Variants in DCST1 observed in about 807,000 individuals in gnomAD.
DCST1 encodes the protein DC-STAMP domain containing 1, also known as E3 ubiquitin-protein ligase DCST1.
A neutral mutation model predicts 89.1 loss-of-function variants in DCST1; 78 were observed. The ratio of observed to expected loss-of-function variants is 0.88; its 90% CI spans 0.73 to 1.06. The LOEUF is 1.06. DCST1 is among the 50% of genes least tolerant of loss of function. The pLI is 0.00. For synonymous variants in DCST1, 364 were observed against 371.9 expected, an observed-to-expected ratio of 0.98 and a Z score of 0.24; for missense variants, 900 against 928.6, an observed-to-expected ratio of 0.97 and a Z score of 0.40.
rs1660710916 is a variant in DCST1 at position 155,047,947 on chromosome 1, C to T, written c.1755+18C>T. On this transcript the variant is annotated intron_variant, in intron 15 of 16. Transcript: ENST00000295542. ...TCCCCAAGGTTTGCCCCTCCCCAGA[C>T]CTCTCCACCCCTACACACCTGCACA... 2 of 1,613,910 alleles carry T rather than the reference C, an allele frequency of 1.2e-6. No homozygotes were observed. Among genetic ancestry groups the T allele is most frequent in the South Asian group, 1.1e-5 (1 of 91,068 alleles).
intron 13 of DCST1, 114 bp downstream of exon 13, chr1:155,046,600 C>CTTTCTTTT: frequency 1.9e-6 from 1 of 532,372 alleles, no homozygotes; most frequent in Non-Finnish European, 2.6e-6. Flanking sequence ...CCTTCTGCCT[C>CTTTCTTTT]TTTTTTTTTT....
chr1:155,050,916 A>G lies in DCST1; in HGVS notation c.*48A>G, dbSNP rs766543486. 1.9e-6 allele frequency: 3 copies of G among 1,590,788 alleles called. No homozygotes were observed. The highest frequency in any genetic ancestry group is 2.6e-6 in the Non-Finnish European group (3 of 1,164,288). Reference sequence around the variant, plus strand: ...CGCACCGTCCTTCCCGGTTAATAAAATGCCCTGTACGCTTCACGTGGGTCG... The same window carrying G: ...CGCACCGTCCTTCCCGGTTAATAAAGTGCCCTGTACGCTTCACGTGGGTCG... On this transcript the variant is annotated 3_prime_UTR_variant, in exon 17 of 17. Transcript: ENST00000295542.
intron 16 of DCST1, among the ~76,000 whole-genome samples, chr1:155,049,843 CTG>C (rs1234590848): frequency 1.3e-5 from 2 of 152,198 alleles, no homozygotes; most frequent in Non-Finnish European, 2.9e-5. Context: ...GTGAAGCAAA[CTG>C]AATGTGAATG....
chr1:155,048,500 A>C (rs13375240), intron 16 of DCST1, among the ~76,000 whole-genome samples: 4,836 of 152,226 alleles, frequency 0.032, 222 homozygotes, highest in African/African-American at 0.11. Flanking sequence ...GGGTTTCACC[A>C]TGTTGGCCAG....
chr1:155,045,208 T>C (rs1244421338), intron 10 of DCST1: 1 of 152,538 alleles, frequency 6.6e-6, no homozygotes, highest in African/African-American at 2.4e-5. Context: ...CTTTACAGAG[T>C]TTGTTTAATG....
rs1660919337 is a variant in DCST1 at position 155,050,814 on chromosome 1, G to C, written c.2067G>C (p.Glu689Asp). 1 of 1,612,820 alleles carries C rather than the reference G, an allele frequency of 6.2e-7. No individual in the cohort carries two copies. The highest frequency in any genetic ancestry group is 1.7e-4 in the Middle Eastern group (1 of 6,058). The change falls in exon 17 of 17, where the codon GAG becomes GAC. Residue 689 changes from glutamate (E) to aspartate (D), a missense_variant. By Grantham distance (45) the Glu-to-Asp change is conservative. Coordinates refer to ENST00000295542, the MANE Select transcript of DCST1 (RefSeq NM_152494.4). Reference protein sequence around the residue: ...QRCPVCTPREELSSSAFSDSN... With the variant: ...QRCPVCTPREDLSSSAFSDSN... Reference sequence around the variant, plus strand: ...GCCCGGTCTGCACGCCCCGCGAAGAGCTCTCTTCCTCCGCCTTTAGTGACA... The same window carrying C: ...GCCCGGTCTGCACGCCCCGCGAAGACCTCTCTTCCTCCGCCTTTAGTGACA...
rs142563635 is a variant in DCST1, at chr1:155,046,373, T to C, written c.1382T>C (p.Leu461Pro). 1 of 1,614,020 alleles carries C rather than the reference T, an allele frequency of 6.2e-7. No homozygotes were observed. Among genetic ancestry groups the C allele is most frequent in the African/African-American group, 1.3e-5 (1 of 74,898 alleles). The change falls in exon 13 of 17, where the codon CTG (leucine) becomes CCG (proline). Residue 461 changes from leucine (L) to proline (P), a missense_variant. By Grantham distance (98) the Leu-to-Pro change is moderately conservative. Transcript: ENST00000295542. ...CTCCTTGGCCAGGTGAGGGAGCTCC[T>C]GGAGACACTGCCCATTCTGCTGCTG... The part of the protein sequence containing the change: ...SEMSNVVREL[L>P]ETLPILLLLV...
chr1:155,048,318 A>C, intron 16 of DCST1, 148 bp downstream of exon 16: 1 of 667,604 alleles, frequency 1.5e-6, no homozygotes, highest in Non-Finnish European at 2.5e-6. Context: ...TTGAGATGGA[A>C]TCTCACTGTG....
chr1:155,050,842 AACG>A lies in DCST1; in HGVS notation c.2101_2103del (p.Asp701del). On this transcript the variant is annotated inframe_deletion, in exon 17 of 17. Coordinates refer to ENST00000295542, the MANE Select transcript of DCST1 (RefSeq NM_152494.4). ...CTCTTCCTCCGCCTTTAGTGACAGC[AACG>A]ACGACACTGCCTACGCGGGGTGAAG... The A allele has an allele frequency of 6.2e-7, 1 of 1,612,282 alleles. No homozygotes were observed.
chr1:155,043,252 G>A, intron 9 of DCST1, 100 bp from the exon 10 acceptor site: 1 of 1,565,006 alleles, frequency 6.4e-7, no homozygotes, highest in Middle Eastern at 1.8e-4. Context: ...AGGGCCCCAG[G>A]GACACAAGTG....
At chr1:155,049,350 C>G in intron 16 of DCST1, 1 of 382,278 alleles carries the variant, frequency 2.6e-6, no homozygotes, top group Non-Finnish European at 4.7e-6. Context: ...CTCCAAGCAT[C>G]AGTTTTCTCA....
chr1:155,035,471 T>A (rs1558105566), intron 4 of DCST1, among the ~76,000 whole-genome samples: 1 of 152,182 alleles, frequency 6.6e-6, no homozygotes, highest in Non-Finnish European at 1.5e-5. Context: ...CCAGTTTGGA[T>A]AATTTAACAG....
chr1:155,047,899 G>C lies in DCST1; in HGVS notation c.1725G>C (p.Arg575=), dbSNP rs1227941574. 5 of 1,614,012 alleles carry C rather than the reference G, an allele frequency of 3.1e-6. No homozygotes were observed. In the East Asian group the frequency reaches 1.1e-4, roughly 36 times the overall value. The change falls in exon 15 of 17, where the codon CGG becomes CGC. Residue 575 remains arginine (R), a synonymous_variant. Transcript: ENST00000295542. The part of the protein sequence containing the change: ...CLLQAFGYRL[R]RVIAAFYFPK... ...TACAGGCTTTTGGCTACCGACTCCGGAGGGTCATCGCAGCCTTCTACTTCC... is the reference window on the plus strand; with the variant it reads ...TACAGGCTTTTGGCTACCGACTCCGCAGGGTCATCGCAGCCTTCTACTTCC...
At chr1:155,039,603 C>T (rs1052261217) in intron 5 of DCST1, 72 bp downstream of exon 5, 205 of 1,450,414 alleles carry the variant, frequency 1.4e-4, no homozygotes, top group Non-Finnish European at 1.8e-4. Context: ...GGAGCCAGGC[C>T]GGGTGAAGGA....
At chr1:155,046,926 C>T (rs904948533) in intron 13 of DCST1, among the ~76,000 whole-genome samples, 1 of 152,038 alleles carries the variant, frequency 6.6e-6, no homozygotes, top group Non-Finnish European at 1.5e-5. Flanking sequence ...TGTTCTTTTC[C>T]CCTTTCTGTG....
chr1:155,042,069 C>T (rs1268082097), intron 8 of DCST1, among the ~76,000 whole-genome samples: 3 of 152,168 alleles, frequency 2.0e-5, no homozygotes, highest in African/African-American at 4.8e-5. Flanking sequence ...CTGAAAGATG[C>T]GCATGGGCAG....
chr1:155,040,762 C>T (rs1660417057), intron 6 of DCST1, 138 bp downstream of exon 6: 1 of 1,315,626 alleles, frequency 7.6e-7, no homozygotes, highest in Non-Finnish European at 1.0e-6. Context: ...TATTCCCAAA[C>T]ATTGCAGAAC....
At chr1:155,047,419 TG>T in intron 14 of DCST1, 107 bp downstream of exon 14, 3 of 1,028,846 alleles carry the variant, frequency 2.9e-6, no homozygotes, top group Non-Finnish European at 4.4e-6. Flanking sequence ...TGTGGAGAGA[TG>T]GGGGTTGGAG....
intron 14 of DCST1, 76 bp downstream of exon 14, chr1:155,047,388 G>A (rs571192066): frequency 7.5e-7 from 1 of 1,339,156 alleles, no homozygotes; most frequent in African/African-American, 1.5e-5. Context: ...AAGGTAAAGA[G>A]TTAGGGGCCT....
Sources: allele counts gnomAD v4.1 joint callset (sites outside exome capture counted in the v4.1 genomes callset), GRCh38; gene constraint gnomAD v4.1.1; transcripts MANE v1.5; gene names NCBI Gene and HGNC (gene_info 2026-07-23, HGNC 2026-07-21).